Variants in ABHD2 observed in about 807,000 individuals in gnomAD.
ABHD2 encodes monoacylglycerol lipase ABHD2.
ABHD2 carries 20 observed loss-of-function variants against 48.1 expected under a neutral mutation model. The ratio of observed to expected loss-of-function variants is 0.42; its 90% CI spans 0.29 to 0.60. ABHD2 has a LOEUF of 0.60. Ranked by LOEUF, ABHD2 falls within the 20% of genes least tolerant of loss-of-function variation. The pLI is 0.24. For synonymous variants in ABHD2, 209 were observed against 214.2 expected (o/e 0.98, Z 0.21); for missense variants, 405 against 550.9 (o/e 0.74, Z 2.65).
chr15:89,122,018 C>T (rs2050059735), intron 3 of ABHD2, among the ~76,000 whole-genome samples: 1 of 152,166 alleles, frequency 6.6e-6, no homozygotes, highest in African/African-American at 2.4e-5. Context: ...TTTATAGAGA[C>T]AGAGCCCCAT....
At chr15:89,048,908 A>ATTCTCCGTCCATC in the ABHD2 span, among the ~76,000 whole-genome samples, 2 of 122,354 alleles carry the variant, frequency 1.6e-5, no homozygotes, top group African/African-American at 3.5e-5. Flanking sequence ...CGTCAAAGTC[A>ATTCTCCGTCCATC]TTTGTTCCGT....
intron 5 of ABHD2, among the ~76,000 whole-genome samples, chr15:89,170,077 A>ATTTTTT (rs1555432359): frequency 2.0e-4 from 11 of 56,164 alleles, no homozygotes; most frequent in African/African-American, 5.8e-4. Flanking sequence ...GTCAGATCAG[A>ATTTTTT]TTCTTTTTTT....
chr15:89,061,550 G>A, the ABHD2 span, among the ~76,000 whole-genome samples: 1 of 152,038 alleles, frequency 6.6e-6, no homozygotes, highest in East Asian at 1.9e-4. Flanking sequence ...TATACCTCCT[G>A]AATCTAAACA....
At chr15:89,132,409 G>A (rs1231571885) in intron 3 of ABHD2, among the ~76,000 whole-genome samples, 4 of 152,276 alleles carry the variant, frequency 2.6e-5, no homozygotes, top group Admixed American at 1.3e-4. Flanking sequence ...TCAGAACTTA[G>A]CATACTAATT....
intron 1 of ABHD2, among the ~76,000 whole-genome samples, chr15:89,113,098 G>A (rs2049901600): frequency 6.6e-6 from 1 of 152,140 alleles, no homozygotes; most frequent in African/African-American, 2.4e-5. Flanking sequence ...TCTTGCACTA[G>A]GCTCAGCTCA....
intron 7 of ABHD2, among the ~76,000 whole-genome samples, chr15:89,187,695 C>T (rs1259207868): frequency 6.6e-6 from 1 of 152,188 alleles, no homozygotes; most frequent in Non-Finnish European, 1.5e-5. Context: ...TTATCTAAGA[C>T]ACTAGAGAGC....
intron 10 of ABHD2, 162 bp downstream of exon 10, chr15:89,193,481 C>A: frequency 1.6e-6 from 1 of 644,528 alleles, no homozygotes; most frequent in Non-Finnish European, 2.8e-6. Context: ...AGTCCTCGGG[C>A]TGTGATGGGG....
chr15:89,118,067 A>G (rs2049989678), intron 3 of ABHD2, among the ~76,000 whole-genome samples: 2 of 152,222 alleles, frequency 1.3e-5, no homozygotes, highest in African/African-American at 2.4e-5. Flanking sequence ...GAGCAAGGAC[A>G]TGGTGTTCTT....
intron 3 of ABHD2, among the ~76,000 whole-genome samples, chr15:89,140,971 AC>A (rs1298282777): frequency 1.6e-5 from 2 of 124,420 alleles, no homozygotes; most frequent in African/African-American, 5.5e-5. Context: ...GTTTAGTTTC[AC>A]TTTTTTTTTT....
chr15:89,066,762 C>T, the ABHD2 span, among the ~76,000 whole-genome samples: 5 of 152,118 alleles, frequency 3.3e-5, no homozygotes, highest in South Asian at 2.1e-4. Context: ...GTACCTGTTG[C>T]GGCAGGCCAA....
intron 3 of ABHD2, among the ~76,000 whole-genome samples, chr15:89,134,126 C>T (rs1361810995): frequency 5.9e-5 from 9 of 152,170 alleles, no homozygotes; most frequent in East Asian, 1.9e-4. Context: ...GCGTGAGCCA[C>T]GGCGCCCGGC....
chr15:89,067,093 A>G, the ABHD2 span, among the ~76,000 whole-genome samples: 8 of 152,236 alleles, frequency 5.3e-5, no homozygotes, highest in Non-Finnish European at 1.2e-4. Flanking sequence ...ACACCAGGCC[A>G]TGGGGGCTAC....
rs1040543351 is a variant in ABHD2 at position 89,094,686 on chromosome 15, C to T, written c.-107+6123C>T. 7.3e-5 allele frequency among the ~76,000 whole-genome samples: 11 copies of T among 151,138 alleles called. No individual in the cohort carries two copies. The highest frequency in any genetic ancestry group is 2.0e-4 in the East Asian group (1 of 5,060). On this transcript the variant is annotated intron_variant, in intron 1 of 10. Transcript: ENST00000352732. This position sits in a 1 kb window ranked among gnomAD's most constrained non-coding sequence, Gnocchi z 4.7. ...TCGCACCACTGCACTCCAGCCTGGG[C>T]GGCAGAGCAAGACTCCGTCTCAAAA... is the stretch of plus-strand genomic sequence containing the variant.
the ABHD2 span, among the ~76,000 whole-genome samples, chr15:89,048,486 A>G: frequency 6.6e-6 from 1 of 152,046 alleles, no homozygotes; most frequent in Non-Finnish European, 1.5e-5. Flanking sequence ...AATATCCTGC[A>G]GAGTGTTTTC....
At position 89,177,105 on chromosome 15, in the gene ABHD2, A is replaced by C. The variant is rs877318; in HGVS notation, c.722+1110A>C. 2.0e-5 allele frequency among the ~76,000 whole-genome samples: 3 copies of C among 152,222 alleles called. No homozygotes were observed. The highest frequency in any genetic ancestry group is 1.3e-4 in the Admixed American group (2 of 15,288). On this transcript the variant is annotated intron_variant, in intron 6 of 10. Transcript: ENST00000352732. This position sits in a 1 kb window ranked among gnomAD's most constrained non-coding sequence, Gnocchi z 5.6. ...TGATCTAAATGTACCCACGATAGACATGAGAAACATCTCTGATGAAACCCT... is the reference window on the plus strand; with the variant it reads ...TGATCTAAATGTACCCACGATAGACCTGAGAAACATCTCTGATGAAACCCT...
chr15:89,057,183 G>A, the ABHD2 span, among the ~76,000 whole-genome samples: 1 of 152,092 alleles, frequency 6.6e-6, no homozygotes, highest in African/African-American at 2.4e-5. Flanking sequence ...CAAAGTGCTG[G>A]GATTACAAGC....
In ABHD2 at chr15:89,151,893, G is replaced by A. The variant is rs764150509; in HGVS notation, c.370+41G>A. 1.2e-6 allele frequency: 2 copies of A among 1,602,296 alleles called. No homozygotes were observed. Among genetic ancestry groups the A allele is most frequent in the South Asian group, 1.1e-5 (1 of 89,208 alleles). ...TTGTGTGATTGAGCCATCACTCAGA[G>A]AAGGAGCACTAGTCAGTGGAGAGCA... On this transcript the variant is annotated intron_variant, in intron 4 of 10. Coordinates refer to ENST00000352732, the MANE Select transcript of ABHD2 (RefSeq NM_152924.5). The surrounding 1 kb of genome is among the most constrained non-coding windows in gnomAD (Gnocchi z 4.7).
chr15:89,080,529 A>G, the ABHD2 span, among the ~76,000 whole-genome samples: 16 of 152,232 alleles, frequency 1.1e-4, no homozygotes, highest in Admixed American at 3.3e-4. Context: ...TTACCCTTGC[A>G]AAGGGGCCCA....
chr15:89,118,149 G>C (rs1298745215), intron 3 of ABHD2, among the ~76,000 whole-genome samples: 1 of 151,902 alleles, frequency 6.6e-6, no homozygotes, highest in East Asian at 1.9e-4. Context: ...AAATCATCCA[G>C]TATTTGTCAT....
Sources: allele counts gnomAD v4.1 joint callset (sites outside exome capture counted in the v4.1 genomes callset), GRCh38; gene constraint gnomAD v4.1.1; non-coding constraint Gnocchi (gnomAD v3.1); transcripts MANE v1.5; gene names NCBI Gene and HGNC (gene_info 2026-07-23, HGNC 2026-07-21).